RGS3: variants seen among roughly 807,000 people sequenced by gnomAD.
RGS3 encodes regulator of G protein signaling 3.
In RGS3, 80 loss-of-function variants were observed where a neutral mutation model predicts 132.6. That is an observed-to-expected ratio of 0.60 (90% CI 0.50 to 0.73). The LOEUF is 0.73. RGS3 is among the 30% of genes least tolerant of loss of function. RGS3 has a pLI of 0.00. For missense variants in RGS3, 1,382 were observed against 1,530.8 expected (o/e 0.90, Z 1.62); for synonymous variants, 598 against 620.6 (o/e 0.96, Z 0.54).
At chr9:113,503,438 C>G (rs1323719160) in intron 10 of RGS3, 1 of 152,536 alleles carries the variant, frequency 6.6e-6, no homozygotes, top group Non-Finnish European at 1.5e-5. Flanking sequence ...GCACCCTCTC[C>G]TCTTCCCCTC....
At chr9:113,512,760 G>A (rs543232291) in intron 14 of RGS3, among the ~76,000 whole-genome samples, 1 of 152,332 alleles carries the variant, frequency 6.6e-6, no homozygotes, top group East Asian at 1.9e-4. Context: ...CCATACAGTA[G>A]CAGGAATGCC....
At position 113,479,482 on chromosome 9, in the gene RGS3, T is replaced by C; in HGVS notation, c.416-9T>C. The C allele has an allele frequency of 6.2e-7, 1 of 1,614,194 alleles. No homozygotes were observed. Among genetic ancestry groups the C allele is most frequent in the Non-Finnish European group, 8.5e-7 (1 of 1,179,996 alleles). Reference sequence around the variant, plus strand: ...TGAGGCAAGGTTGTTTCTGTTGCTGTTTCCTTAGGTCAGCTGAGGCTGTCC... The same window carrying C: ...TGAGGCAAGGTTGTTTCTGTTGCTGCTTCCTTAGGTCAGCTGAGGCTGTCC... On this transcript the variant is annotated splice_polypyrimidine_tract_variant and intron_variant, in intron 3 of 24. Coordinates refer to ENST00000350696, the Ensembl canonical transcript of RGS3.
chr9:113,505,152 C>T, intron 10 of RGS3: 2 of 448,470 alleles, frequency 4.5e-6, no homozygotes, highest in Non-Finnish European at 8.2e-6. Flanking sequence ...GCTGCTGGGG[C>T]TCAGGATGGC....
rs1225238550 is a variant in RGS3, at chr9:113,587,054, A to G, written c.3015+2627A>G. On this transcript the variant is annotated intron_variant, in intron 20 of 24. Coordinates refer to ENST00000350696, the Ensembl canonical transcript of RGS3. Reference sequence around the variant, plus strand: ...AGACCCCATTTCTCACCTTCCTGACACTGCTGCAAAGTGGACAGGCACTTG... The same window carrying G: ...AGACCCCATTTCTCACCTTCCTGACGCTGCTGCAAAGTGGACAGGCACTTG... Among the ~76,000 whole-genome samples, 5 of 152,252 alleles carry G rather than the reference A, an allele frequency of 3.3e-5. No individual in the cohort carries two copies. In the East Asian group the frequency reaches 9.6e-4, roughly 29 times the overall value.
chr9:113,449,463 T>C (rs1041669921), intron 1 of RGS3, among the ~76,000 whole-genome samples: 3 of 152,174 alleles, frequency 2.0e-5, no homozygotes, highest in African/African-American at 7.2e-5. Context: ...ATTCCGTCAA[T>C]GTGTGGGGTT....
intron 4 of RGS3, among the ~76,000 whole-genome samples, chr9:113,481,672 CA>C (rs1225981244): frequency 1.3e-5 from 2 of 152,220 alleles, no homozygotes; most frequent in Non-Finnish European, 2.9e-5. Flanking sequence ...CACCGGTCCC[CA>C]CTCCTTCCAT....
chr9:113,486,588 G>A (rs550501648), intron 7 of RGS3, among the ~76,000 whole-genome samples: 1 of 152,362 alleles, frequency 6.6e-6, no homozygotes, highest in South Asian at 2.1e-4. Context: ...GTTAGCGGCA[G>A]TGGCTCATTT....
At chr9:113,543,009 A>G (rs1167770291) in intron 19 of RGS3, among the ~76,000 whole-genome samples, 1 of 152,122 alleles carries the variant, frequency 6.6e-6, no homozygotes, top group African/African-American at 2.4e-5. Flanking sequence ...TGCCTGCTGC[A>G]CCTCCAGCTG....
At chr9:113,540,630 G>A (rs992194371) in intron 19 of RGS3, among the ~76,000 whole-genome samples, 3 of 152,328 alleles carry the variant, frequency 2.0e-5, no homozygotes, top group East Asian at 3.9e-4. Flanking sequence ...AAGCCTTTAG[G>A]ATGAGAAGGG....
chr9:113,559,573 G>C (rs553584126), intron 19 of RGS3, among the ~76,000 whole-genome samples: 2 of 152,290 alleles, frequency 1.3e-5, no homozygotes, highest in East Asian at 3.9e-4. Context: ...CATCCATTGC[G>C]GTCTCAAGTT....
chr9:113,536,914 G>A (rs752671539), exon 19 of RGS3: 4 of 1,613,794 alleles, frequency 2.5e-6, no homozygotes, highest in South Asian at 1.1e-5. Context: ...CCCCCGGACA[G>A]CAAGGTAAGG....
intron 19 of RGS3, among the ~76,000 whole-genome samples, chr9:113,540,727 C>A (rs902067668): frequency 1.3e-5 from 2 of 152,228 alleles, no homozygotes; most frequent in African/African-American, 2.4e-5. Context: ...TCCATCACCC[C>A]CTTTCCTCGG....
intron 19 of RGS3, among the ~76,000 whole-genome samples, chr9:113,538,824 C>T (rs182183015): frequency 3.3e-5 from 5 of 152,334 alleles, no homozygotes; most frequent in African/African-American, 1.2e-4. Context: ...AGTGCTGGGA[C>T]AGCCTCAGAA....
At chr9:113,513,484 C>A (rs1232277458) in intron 14 of RGS3, among the ~76,000 whole-genome samples, 1 of 152,186 alleles carries the variant, frequency 6.6e-6, no homozygotes, top group Non-Finnish European at 1.5e-5. Flanking sequence ...ACTTGCTTTT[C>A]CAAGTGGAGA....
chr9:113,568,568 C>T (rs1298886757), intron 19 of RGS3, among the ~76,000 whole-genome samples: 1 of 152,242 alleles, frequency 6.6e-6, no homozygotes, highest in Non-Finnish European at 1.5e-5. Flanking sequence ...AGGGCCAGGG[C>T]TTGGTGCAGC....
At chr9:113,458,463 A>G (rs1015644968), upstream of RGS3, among the ~76,000 whole-genome samples, 12 of 152,180 alleles carry the variant, frequency 7.9e-5, no homozygotes, top group Non-Finnish European at 1.6e-4. Flanking sequence ...TCATGAATAT[A>G]CTGTTGGATT....
intron 7 of RGS3, among the ~76,000 whole-genome samples, chr9:113,488,538 G>A (rs7849841): frequency 0.12 from 18,032 of 152,210 alleles, 1,277 homozygotes; most frequent in African/African-American, 0.19. Flanking sequence ...GCATATGGAC[G>A]CCCAGAAAGC....
At chr9:113,533,163 C>T (rs1832542964) in intron 18 of RGS3, among the ~76,000 whole-genome samples, 1 of 152,196 alleles carries the variant, frequency 6.6e-6, no homozygotes, top group South Asian at 2.1e-4. Context: ...ATGGGGACAA[C>T]AATCCATGCC....
chr9:113,451,557 C>T (rs1401615566), intron 1 of RGS3, among the ~76,000 whole-genome samples: 2 of 152,198 alleles, frequency 1.3e-5, no homozygotes, highest in Non-Finnish European at 2.9e-5. Context: ...CCATAAGTAG[C>T]ATCCATATTC....
Sources: allele counts gnomAD v4.1 joint callset (sites outside exome capture counted in the v4.1 genomes callset), GRCh38; gene constraint gnomAD v4.1.1; transcripts MANE v1.5; gene names NCBI Gene and HGNC (gene_info 2026-07-23, HGNC 2026-07-21).